The following SGCZ variants were observed in gnomAD, a reference collection of about 807,000 sequenced individuals.
The protein encoded by SGCZ is sarcoglycan zeta.
A neutral mutation model predicts 41.3 loss-of-function variants in SGCZ; 40 were observed. That is an observed-to-expected ratio of 0.97 (90% confidence interval 0.75 to 1.26). SGCZ has a LOEUF of 1.26. Among genes scored for constraint, SGCZ ranks in the 50% most tolerant of loss-of-function variants. The pLI is 0.00. For synonymous variants in SGCZ, 206 were observed against 137.5 expected (o/e 1.50, Z -3.49); for missense variants, 552 against 369.8 (o/e 1.49, Z -4.04).
At chr8:14,411,899 A>G (rs2117278636) in intron 2 of SGCZ, among the ~76,000 whole-genome samples, 1 of 152,228 alleles carries the variant, frequency 6.6e-6, no homozygotes, top group Middle Eastern at 3.4e-3. Flanking sequence ...AAGTATTTCA[A>G]TCTTACATGA....
At chr8:14,407,065 C>CTTTTTTTTTTTTTT (rs67046431) in intron 2 of SGCZ, among the ~76,000 whole-genome samples, 1 of 87,188 alleles carries the variant, frequency 1.1e-5, no homozygotes, top group Non-Finnish European at 2.2e-5. Context: ...ATGAGTTTTC[C>CTTTTTTTTTTTTTT]TTTTTTTTTT....
At chr8:14,971,097 AT>A in intron 1 of SGCZ, among the ~76,000 whole-genome samples, 1 of 152,176 alleles carries the variant, frequency 6.6e-6, no homozygotes, top group Non-Finnish European at 1.5e-5. Flanking sequence ...TGAAAATACA[AT>A]TGATTCTGTA....
At chr8:14,096,419 A>T (rs1169333467) in intron 7 of SGCZ, among the ~76,000 whole-genome samples, 1 of 152,122 alleles carries the variant, frequency 6.6e-6, no homozygotes. Flanking sequence ...ATTGATTTGG[A>T]TATGTTGAAC....
At chr8:15,094,967 T>C (rs989060912) in intron 1 of SGCZ, among the ~76,000 whole-genome samples, 5 of 152,204 alleles carry the variant, frequency 3.3e-5, no homozygotes, top group Admixed American at 3.3e-4. Flanking sequence ...TTCATAGCAA[T>C]GTGAGAACTG....
intron 7 of SGCZ, among the ~76,000 whole-genome samples, chr8:14,099,360 T>C (rs1801941382): frequency 6.6e-6 from 1 of 152,210 alleles, no homozygotes; most frequent in South Asian, 2.1e-4. Flanking sequence ...CACAGTCCAG[T>C]GTCTTTCCTC....
chr8:14,804,171 C>T (rs1248956516), intron 1 of SGCZ, among the ~76,000 whole-genome samples: 17 of 84,840 alleles, frequency 2.0e-4, no homozygotes, highest in East Asian at 1.5e-3. Context: ...ACGCAGAGCG[C>T]CTCTCCTCCT....
chr8:14,774,806 C>T (rs1800350488), intron 1 of SGCZ, among the ~76,000 whole-genome samples: 1 of 152,172 alleles, frequency 6.6e-6, no homozygotes, highest in African/African-American at 2.4e-5. Context: ...AAAAGGTTCT[C>T]TGTTCTCTTA....
intron 1 of SGCZ, among the ~76,000 whole-genome samples, chr8:15,137,185 C>T (rs1181575996): frequency 2.0e-5 from 3 of 151,586 alleles, no homozygotes; most frequent in African/African-American, 7.3e-5. Flanking sequence ...AGCAAAGAGA[C>T]TGGTGGCATT....
At chr8:14,298,829 T>C (rs528716681) in intron 3 of SGCZ, among the ~76,000 whole-genome samples, 11 of 152,088 alleles carry the variant, frequency 7.2e-5, no homozygotes, top group African/African-American at 2.6e-4. Flanking sequence ...GTGTGTGTGA[T>C]TCTGCAGAAA....
chr8:14,862,549 T>G (rs1258159027), intron 1 of SGCZ, among the ~76,000 whole-genome samples: 8 of 123,034 alleles, frequency 6.5e-5, no homozygotes, highest in East Asian at 4.9e-4. Flanking sequence ...TATATATATA[T>G]ATATATATAT....
chr8:15,058,847 C>T (rs1804811186), intron 1 of SGCZ, among the ~76,000 whole-genome samples: 1 of 151,964 alleles, frequency 6.6e-6, no homozygotes, highest in African/African-American at 2.4e-5. Flanking sequence ...TTGAACTATC[C>T]TTAGTATATC....
chr8:14,648,691 T>G (rs1807302687), intron 1 of SGCZ, among the ~76,000 whole-genome samples: 1 of 152,092 alleles, frequency 6.6e-6, no homozygotes, highest in African/African-American at 2.4e-5. Flanking sequence ...AAGAAAATTA[T>G]CAAGGTGTGC....
chr8:14,632,423 G>A (rs1790423259), intron 1 of SGCZ, among the ~76,000 whole-genome samples: 1 of 152,016 alleles, frequency 6.6e-6, no homozygotes, highest in African/African-American at 2.4e-5. Context: ...AATTATTTAA[G>A]GTAGCTACTA....
rs531102181 is a variant in SGCZ at position 15,053,281 on chromosome 8, C to T, written c.39+184304G>A. Among the ~76,000 whole-genome samples, 12 of 150,246 alleles carry T rather than the reference C, an allele frequency of 8.0e-5. No homozygotes were observed. The South Asian group carries it at 2.3e-3, about 29-fold the overall frequency. Reference sequence around the variant, plus strand: ...CTTCCCTCATAATTGTGAATTTTCACAGTTTTTCTTTTATTTGTTTTCCTG... The same window carrying T: ...CTTCCCTCATAATTGTGAATTTTCATAGTTTTTCTTTTATTTGTTTTCCTG... On this transcript the variant is annotated intron_variant, in intron 1 of 7. Transcript: ENST00000382080.
intron 1 of SGCZ, among the ~76,000 whole-genome samples, chr8:15,036,616 G>A (rs549745641): frequency 1.3e-5 from 2 of 152,184 alleles, no homozygotes; most frequent in African/African-American, 4.8e-5. Context: ...TCAAAGAAAA[G>A]TAGAGGAACT....
intron 2 of SGCZ, among the ~76,000 whole-genome samples, chr8:14,526,555 A>G (rs1802956070): frequency 6.6e-6 from 1 of 152,152 alleles, no homozygotes; most frequent in African/African-American, 2.4e-5. Context: ...GATTATATTT[A>G]TTTCTACACA....
intron 4 of SGCZ, among the ~76,000 whole-genome samples, chr8:14,227,794 A>G (rs1320133161): frequency 6.6e-6 from 1 of 151,940 alleles, no homozygotes; most frequent in African/African-American, 2.4e-5. Context: ...ACTACGGTTT[A>G]TTTTTCTGGT....
At chr8:14,358,967 T>A (rs1585403470) in intron 2 of SGCZ, among the ~76,000 whole-genome samples, 1 of 152,170 alleles carries the variant, frequency 6.6e-6, no homozygotes, top group Non-Finnish European at 1.5e-5. Flanking sequence ...TAACCAACTT[T>A]GGACCTGCTC....
chr8:14,962,089 G>A (rs998369943), intron 1 of SGCZ, among the ~76,000 whole-genome samples: 1 of 151,970 alleles, frequency 6.6e-6, no homozygotes, highest in Non-Finnish European at 1.5e-5. Context: ...GACAGGAAGG[G>A]GATAAAAAGG....
Sources: allele counts gnomAD v4.1 joint callset (sites outside exome capture counted in the v4.1 genomes callset), GRCh38; gene constraint gnomAD v4.1.1; transcripts MANE v1.5; gene names NCBI Gene and HGNC (gene_info 2026-07-23, HGNC 2026-07-21).